ARHGEF38: variants seen among roughly 807,000 people sequenced by gnomAD.
ARHGEF38 encodes Rho guanine nucleotide exchange factor 38.
In ARHGEF38, 79 loss-of-function variants were observed where a neutral mutation model predicts 79.9. The ratio of observed to expected loss-of-function variants is 0.99; its 90% CI spans 0.82 to 1.19. The LOEUF is 1.19. Among genes scored for constraint, ARHGEF38 ranks in the 50% most tolerant of loss-of-function variants. The pLI is 0.00. For synonymous variants in ARHGEF38, 366 were observed against 328.3 expected, an observed-to-expected ratio of 1.11 and a Z score of -1.24; for missense variants, 962 against 907.2, an observed-to-expected ratio of 1.06 and a Z score of -0.78.
intron 1 of ARHGEF38, among the ~76,000 whole-genome samples, chr4:105,555,512 A>G (rs913554008): frequency 6.6e-6 from 1 of 152,120 alleles, no homozygotes; most frequent in Non-Finnish European, 1.5e-5. Flanking sequence ...GCTCTTTATT[A>G]TTCAAATGCC....
Position 105,673,821 on chromosome 4 carries a change from C to T in ARHGEF38, c.2149-3931C>T, listed in dbSNP as rs553550011. Among the ~76,000 whole-genome samples the T allele has an allele frequency of 5.3e-4, 81 of 151,780 alleles. 1 individual carries two copies. Among genetic ancestry groups the T allele is most frequent in the Non-Finnish European group, 4.9e-4 (33 of 67,900 alleles). ...CTTTACTTAAAATTTTTTTCTTCATCGAAATTGCTCGTGTAATTAAAACAT... is the reference window on the plus strand; with the variant it reads ...CTTTACTTAAAATTTTTTTCTTCATTGAAATTGCTCGTGTAATTAAAACAT... On this transcript the variant is annotated intron_variant, in intron 13 of 13. Coordinates refer to ENST00000420470, the MANE Select transcript of ARHGEF38 (RefSeq NM_001242729.2).
At chr4:105,677,723 C>A in intron 13 of ARHGEF38, 29 bp from the exon 14 acceptor site, 1 of 1,382,630 alleles carries the variant, frequency 7.2e-7, no homozygotes, top group Non-Finnish European at 9.4e-7. Context: ...GGTTCCAATT[C>A]CAATAATGTC....
chr4:105,661,449 G>A (rs868455030), intron 10 of ARHGEF38, among the ~76,000 whole-genome samples: 12 of 150,152 alleles, frequency 8.0e-5, no homozygotes, highest in Middle Eastern at 3.5e-3. Context: ...AGTATCGACT[G>A]AGAGTTTCAA....
intron 2 of ARHGEF38, among the ~76,000 whole-genome samples, chr4:105,598,632 C>G (rs1227606438): frequency 6.6e-6 from 1 of 151,878 alleles, no homozygotes; most frequent in South Asian, 2.1e-4. Flanking sequence ...AGATACATTA[C>G]AACAAAAAAT....
At chr4:105,553,013 C>G in intron 1 of ARHGEF38, 52 bp downstream of exon 1, 1 of 1,419,212 alleles carries the variant, frequency 7.0e-7, no homozygotes, top group Non-Finnish European at 9.5e-7. Flanking sequence ...AGCTCCATTT[C>G]TGCTACGTTT....
intron 2 of ARHGEF38, among the ~76,000 whole-genome samples, chr4:105,590,721 C>T (rs777898453): frequency 3.9e-5 from 6 of 152,116 alleles, no homozygotes; most frequent in Non-Finnish European, 8.8e-5. Context: ...ATAAAATGGA[C>T]AACTGCCAAA....
intron 10 of ARHGEF38, among the ~76,000 whole-genome samples, chr4:105,659,576 G>A (rs1730479730): frequency 6.6e-6 from 1 of 152,174 alleles, no homozygotes; most frequent in African/African-American, 2.4e-5. Flanking sequence ...CAGGTTTACT[G>A]TGACTTACAC....
chr4:105,589,993 G>C (rs1203393814), intron 2 of ARHGEF38, among the ~76,000 whole-genome samples: 1 of 150,326 alleles, frequency 6.7e-6, no homozygotes, highest in Non-Finnish European at 1.5e-5. Context: ...GAGCCAAATC[G>C]CGCCATTGCA....
At position 105,631,032 on chromosome 4, in the gene ARHGEF38, A is replaced by C. The variant is rs772495615; in HGVS notation, c.643A>C (p.Ile215Leu). ...GCTGAAGGAACATTTGAGCCACTGT[A>C]TCCAGTCCTTAAAGTAAGGCCTTTT... Reference protein sequence around the residue: ...EELKEHLSHCIQSLKKIYMQE... With the variant: ...EELKEHLSHCLQSLKKIYMQE... The change falls in exon 4 of 14, where the codon ATC (isoleucine) becomes CTC (leucine). Residue 215 changes from isoleucine to leucine, a missense_variant. By Grantham distance (5) the Ile-to-Leu change is conservative. Transcript: ENST00000420470. 14 of 1,612,128 alleles carry C rather than the reference A, an allele frequency of 8.7e-6. No individual in the cohort carries two copies. The highest frequency in any genetic ancestry group is 1.2e-5 in the Non-Finnish European group (14 of 1,179,410).
intron 3 of ARHGEF38, among the ~76,000 whole-genome samples, chr4:105,620,262 TG>T (rs912213913): frequency 1.3e-5 from 2 of 152,184 alleles, no homozygotes; most frequent in African/African-American, 4.8e-5. Flanking sequence ...TAAGAACACA[TG>T]GGTTTTAATA....
At chr4:105,630,797 C>T (rs1342756959) in intron 3 of ARHGEF38, 101 bp from the exon 4 acceptor site, 10 of 1,007,414 alleles carry the variant, frequency 9.9e-6, no homozygotes, top group Non-Finnish European at 1.4e-5. Flanking sequence ...AAAGTAGATC[C>T]CATCCAAGTT....
At chr4:105,670,253 G>A (rs1730915341) in intron 13 of ARHGEF38, among the ~76,000 whole-genome samples, 1 of 152,196 alleles carries the variant, frequency 6.6e-6, no homozygotes, top group African/African-American at 2.4e-5. Context: ...TACCAGCAAA[G>A]TGTGAGGTTT....
At chr4:105,672,557 T>A (rs1730990386) in intron 13 of ARHGEF38, among the ~76,000 whole-genome samples, 1 of 152,236 alleles carries the variant, frequency 6.6e-6, no homozygotes, top group African/African-American at 2.4e-5. Context: ...TCTCCTTTTG[T>A]CCATCAAATA....
At chr4:105,623,469 G>T (rs973108706) in intron 3 of ARHGEF38, among the ~76,000 whole-genome samples, 1 of 152,108 alleles carries the variant, frequency 6.6e-6, no homozygotes, top group African/African-American at 2.4e-5. Context: ...CTAAGACAGG[G>T]TTTTCCTCAG....
intron 1 of ARHGEF38, among the ~76,000 whole-genome samples, chr4:105,579,961 A>G (rs1201206353): frequency 6.6e-6 from 1 of 151,964 alleles, no homozygotes; most frequent in Non-Finnish European, 1.5e-5. Flanking sequence ...CAGTTTTGGG[A>G]GGGTGTATAT....
intron 4 of ARHGEF38, chr4:105,632,747 A>G (rs1294232036): frequency 1.3e-5 from 2 of 152,178 alleles, no homozygotes; most frequent in Non-Finnish European, 2.9e-5. Flanking sequence ...ACCCCACCCA[A>G]TGCCAGCCCT....
intron 1 of ARHGEF38, among the ~76,000 whole-genome samples, chr4:105,565,934 T>A (rs1244157398): frequency 6.6e-6 from 1 of 152,168 alleles, no homozygotes; most frequent in Non-Finnish European, 1.5e-5. Flanking sequence ...GTTCTTTCTA[T>A]CTTCTTGGCA....
chr4:105,641,842 C>T (rs1347882878), intron 5 of ARHGEF38, among the ~76,000 whole-genome samples: 1 of 151,992 alleles, frequency 6.6e-6, no homozygotes, highest in Non-Finnish European at 1.5e-5. Context: ...GCTGCTAAAA[C>T]AAAGCCAGCT....
At chr4:105,604,155 C>A (rs1004945051) in intron 2 of ARHGEF38, among the ~76,000 whole-genome samples, 3 of 152,040 alleles carry the variant, frequency 2.0e-5, no homozygotes, top group Non-Finnish European at 2.9e-5. Context: ...GAGCCCCATG[C>A]CAGAAGAACT....
Sources: gnomAD v4.1 joint callset for allele counts (sites outside exome capture counted in the v4.1 genomes callset) on GRCh38, gnomAD v4.1.1 for gene constraint, MANE v1.5 for transcripts, NCBI Gene and HGNC (gene_info 2026-07-23, HGNC 2026-07-21) for gene names.